C16orf87: variants seen among roughly 807,000 people sequenced by gnomAD.
C16orf87 encodes the protein UPF0547 protein C16orf87.
In C16orf87, 13 loss-of-function variants were observed where a neutral mutation model predicts 21.0. The ratio of observed to expected loss-of-function variants is 0.62; its 90% CI spans 0.40 to 0.98. The LOEUF is 0.98. Among genes scored for constraint, C16orf87 ranks in the 50% least tolerant of loss-of-function variants. The pLI, the probability that C16orf87 is intolerant of heterozygous loss-of-function variation, is 0.00. For synonymous variants in C16orf87, 49 were observed against 60.2 expected, an observed-to-expected ratio of 0.81 and a Z score of 0.86; for missense variants, 113 against 180.4, an observed-to-expected ratio of 0.63 and a Z score of 2.14.
intron 3 of C16orf87, among the ~76,000 whole-genome samples, chr16:46,804,702 T>C (rs1967874095): frequency 6.6e-6 from 1 of 152,210 alleles, no homozygotes; most frequent in Non-Finnish European, 1.5e-5. Flanking sequence ...ATGTAACCCA[T>C]GTCACAATCA....
At chr16:46,829,215 C>CAG (rs1959748857) in intron 1 of C16orf87, among the ~76,000 whole-genome samples, 1 of 152,064 alleles carries the variant, frequency 6.6e-6, no homozygotes, top group African/African-American at 2.4e-5. Context: ...CAGCCATCTG[C>CAG]AAGCCAAGAA....
At position 46,796,780 on chromosome 16, in the gene C16orf87, G is replaced by A. The variant is rs999125149; in HGVS notation, c.*6172C>T. 5.9e-5 allele frequency: 9 copies of A among 152,166 alleles called. No individual in the cohort carries two copies. Among genetic ancestry groups the A allele is most frequent in the African/African-American group, 2.2e-4 (9 of 41,444 alleles). 9.4% of individuals were successfully genotyped at this position (152,166 alleles called of 1,614,324 possible). A position where few individuals can be genotyped will look rare whatever the true frequency, so the allele number is the denominator to read the frequency against. The stretch of plus-strand genomic sequence containing the variant: ...CAAAGAGTCTAACACTTGCATCACT[G>A]GAGCCTAAGAGGGAGGAGAAAGTAG... On this transcript the variant is annotated 3_prime_UTR_variant, in exon 4 of 4. Coordinates refer to ENST00000285697, the MANE Select transcript of C16orf87 (RefSeq NM_001001436.4).
intron 2 of C16orf87, among the ~76,000 whole-genome samples, chr16:46,816,412 T>C (rs1410655524): frequency 1.3e-5 from 2 of 152,212 alleles, no homozygotes; most frequent in Admixed American, 1.3e-4. Flanking sequence ...AATAAAAGTA[T>C]TTTCAAAATT....
chr16:46,805,994 ATTAT>A (rs1967917981), intron 3 of C16orf87, among the ~76,000 whole-genome samples: 1 of 152,198 alleles, frequency 6.6e-6, no homozygotes, highest in Non-Finnish European at 1.5e-5. Context: ...CAAAGACTGT[ATTAT>A]TTACCTTTTT....
rs1167030387 is a variant in C16orf87 at position 46,800,057 on chromosome 16, T to A, written c.*2895A>T. On this transcript the variant is annotated 3_prime_UTR_variant, in exon 4 of 4. Coordinates refer to ENST00000285697, the MANE Select transcript of C16orf87 (RefSeq NM_001001436.4). ...GCCAAGTCATTTTAATGATCAGAATTAGAGAATCAAGTGCAATTACTAGAG... is the reference window on the plus strand; with the variant it reads ...GCCAAGTCATTTTAATGATCAGAATAAGAGAATCAAGTGCAATTACTAGAG... 6.6e-6 allele frequency: 1 copy of A among 152,202 alleles called. No individual in the cohort carries two copies. Among genetic ancestry groups the A allele is most frequent in the Non-Finnish European group, 1.5e-5 (1 of 68,032 alleles). 9.4% of individuals were successfully genotyped at this position (152,202 alleles called of 1,614,324 possible).
intron 2 of C16orf87, among the ~76,000 whole-genome samples, chr16:46,814,336 A>T (rs1968180299): frequency 6.6e-6 from 1 of 152,152 alleles, no homozygotes; most frequent in South Asian, 2.1e-4. Context: ...ATAACTAGAG[A>T]CTATTGCAGT....
At position 46,804,395 on chromosome 16, in the gene C16orf87, C is replaced by T. The variant is rs1459761848; in HGVS notation, c.347-1325G>A. Among the ~76,000 whole-genome samples, 3 of 152,120 alleles carry T rather than the reference C, an allele frequency of 2.0e-5. No homozygotes were observed. The East Asian group carries it at 5.8e-4, about 29-fold the overall frequency. On this transcript the variant is annotated intron_variant, in intron 3 of 3. Coordinates refer to ENST00000285697, the MANE Select transcript of C16orf87 (RefSeq NM_001001436.4). The stretch of plus-strand genomic sequence containing the variant: ...ATTTCTTCATTTTGGTAGCAGGTAA[C>T]TTGTAGGGGCTTCCTGAGAAAGGCA...
intron 1 of C16orf87, 38 bp downstream of exon 1, chr16:46,831,046 A>G (rs747240559): frequency 2.0e-6 from 3 of 1,533,856 alleles, no homozygotes; most frequent in African/African-American, 2.8e-5. Context: ...CCGCCAAGCC[A>G]CTGCCGCCCG....
intron 2 of C16orf87, among the ~76,000 whole-genome samples, chr16:46,820,563 A>G (rs1377663454): frequency 6.6e-6 from 1 of 152,226 alleles, no homozygotes; most frequent in Non-Finnish European, 1.5e-5. Flanking sequence ...CTATTAACTA[A>G]AAGATAATTT....
At chr16:46,829,932 A>C (rs1356049149) in intron 1 of C16orf87, among the ~76,000 whole-genome samples, 1 of 151,268 alleles carries the variant, frequency 6.6e-6, no homozygotes, top group African/African-American at 2.4e-5. Context: ...TTGATTTAAA[A>C]AAAAAAAAAG....
intron 1 of C16orf87, among the ~76,000 whole-genome samples, chr16:46,828,505 C>T (rs973905605): frequency 3.9e-5 from 6 of 152,000 alleles, no homozygotes; most frequent in Non-Finnish European, 8.8e-5. Context: ...ATATGAAACC[C>T]CTTGAAAATG....
In C16orf87 at chr16:46,831,176, G is replaced by T. The variant is rs1183099678; in HGVS notation, c.-27C>A. The T allele has an allele frequency of 1.9e-6, 3 of 1,545,616 alleles. No individual in the cohort carries two copies. In the South Asian group the frequency reaches 3.5e-5, roughly 18 times the overall value. ...CTCCTCTCCCTTAGCGGCGGCAGCA[G>T]CGACGGCTCGGGCTCCTCCCCTCAC... On this transcript the variant is annotated 5_prime_UTR_variant, in exon 1 of 4. In the 5' UTR this introduces an upstream ATG that the reference lacks. Transcript: ENST00000285697.
chr16:46,799,448 C>A lies in C16orf87; in HGVS notation c.*3504G>T, dbSNP rs1967710422. 6.6e-6 allele frequency: 1 copy of A among 151,994 alleles called. No individual in the cohort carries two copies. Among genetic ancestry groups the A allele is most frequent in the South Asian group, 2.1e-4 (1 of 4,812 alleles). 9.4% of individuals were successfully genotyped at this position (151,994 alleles called of 1,614,324 possible). The stretch of plus-strand genomic sequence containing the variant: ...TAAGAGATTTGTTAACAACAATATG[C>A]CTTAAAGGCTAGAAAGACAGAAAAT... On this transcript the variant is annotated 3_prime_UTR_variant, in exon 4 of 4. Coordinates refer to ENST00000285697, the MANE Select transcript of C16orf87 (RefSeq NM_001001436.4).
At chr16:46,804,231 C>T (rs191946220) in intron 3 of C16orf87, among the ~76,000 whole-genome samples, 1 of 152,290 alleles carries the variant, frequency 6.6e-6, no homozygotes, top group Admixed American at 6.5e-5. Flanking sequence ...CAACCTGCTC[C>T]AGTATGAAAT....
chr16:46,819,741 G>A (rs1363098745), intron 2 of C16orf87, among the ~76,000 whole-genome samples: 4 of 151,540 alleles, frequency 2.6e-5, no homozygotes, highest in East Asian at 2.0e-4. Context: ...CTGGGAGGCC[G>A]AGGCGGGCGG....
intron 2 of C16orf87, among the ~76,000 whole-genome samples, chr16:46,813,025 C>T (rs747663394): frequency 3.3e-5 from 5 of 152,114 alleles, no homozygotes; most frequent in Admixed American, 1.3e-4. Flanking sequence ...CCCAATCTAA[C>T]GTCAAGGCCC....
intron 2 of C16orf87, among the ~76,000 whole-genome samples, chr16:46,812,441 C>T (rs981012195): frequency 1.3e-5 from 2 of 151,848 alleles, no homozygotes; most frequent in Admixed American, 6.6e-5. Flanking sequence ...TTTTAATGTT[C>T]ATCTTTTGGA....
intron 1 of C16orf87, 59 bp from the exon 2 acceptor site, chr16:46,824,541 G>T: frequency 4.2e-6 from 3 of 711,396 alleles, no homozygotes; most frequent in Non-Finnish European, 4.6e-6. Context: ...AAATTTCTCA[G>T]TGTCTATGTG....
At chr16:46,828,865 TCATC>T (rs1483239669) in intron 1 of C16orf87, among the ~76,000 whole-genome samples, 1 of 152,206 alleles carries the variant, frequency 6.6e-6, no homozygotes, top group Admixed American at 6.5e-5. Flanking sequence ...AAGCTAAAAT[TCATC>T]CATTATTTTT....
Sources: gnomAD v4.1 joint callset for allele counts (sites outside exome capture counted in the v4.1 genomes callset) on GRCh38, gnomAD v4.1.1 for gene constraint, MANE v1.5 for transcripts, NCBI Gene and HGNC (gene_info 2026-07-23, HGNC 2026-07-21) for gene names.